The following CACNA1B variants were observed in gnomAD, a reference collection of about 807,000 sequenced individuals.
CACNA1B encodes the protein voltage-dependent N-type calcium channel subunit alpha-1B.
A neutral mutation model predicts 247.2 loss-of-function variants in CACNA1B; 70 were observed. The ratio of observed to expected loss-of-function variants is 0.28; its 90% confidence interval spans 0.23 to 0.35. The LOEUF is 0.35. Ranked by LOEUF, CACNA1B falls within the 10% of genes least tolerant of loss-of-function variation. The probability of loss-of-function intolerance (pLI) is 1.00; values close to 1 mark genes in which losing one functional copy is unlikely to be tolerated. For synonymous variants in CACNA1B, 1,231 were observed against 1,294.4 expected (o/e 0.95, Z 1.05); for missense variants, 2,367 against 3,197.4 (o/e 0.74, Z 6.26).
Position 138,054,014 on chromosome 9 carries a change from G to C in CACNA1B, c.3968+8G>C. On this transcript the variant is annotated splice_region_variant and intron_variant, in intron 26 of 46. Transcript: ENST00000371372. The surrounding 1 kb of genome is among the most constrained non-coding windows in gnomAD (Gnocchi z 4.6). ...GCTGGAGAGGGACTGCAGGTAAACT[G>C]AGGCAGGGTGCAAGGTGGGACACAC... 1.9e-6 allele frequency: 3 copies of C among 1,613,600 alleles called. No individual in the cohort carries two copies. Among genetic ancestry groups the C allele is most frequent in the Non-Finnish European group, 2.5e-6 (3 of 1,179,544 alleles).
intron 36 of CACNA1B, among the ~76,000 whole-genome samples, chr9:138,081,782 T>C (rs1159777768): frequency 6.6e-6 from 1 of 151,122 alleles, no homozygotes; most frequent in Non-Finnish European, 1.5e-5. Context: ...ATGGACAAAT[T>C]CCTAGAAAGA....
intron 15 of CACNA1B, among the ~76,000 whole-genome samples, chr9:138,005,775 G>A (rs1364988734): frequency 2.6e-5 from 4 of 152,132 alleles, no homozygotes; most frequent in South Asian, 2.1e-4. Context: ...AGGGTGTGGC[G>A]GCTCACGCCT....
At position 137,974,343 on chromosome 9, in the gene CACNA1B, C is replaced by T. The variant is rs531717804; in HGVS notation, c.1544-1564C>T. ...GCTCTCGGCTTCTCCAGGGACACTG[C>T]TTGGCCTTGTTATCATCCCATGCTT... On this transcript the variant is annotated intron_variant, in intron 11 of 46. Transcript: ENST00000371372. The surrounding 1 kb of genome is among the most constrained non-coding windows in gnomAD (Gnocchi z 4.5). Among the ~76,000 whole-genome samples the T allele has an allele frequency of 5.9e-5, 9 of 152,298 alleles. No individual in the cohort carries two copies. The highest frequency in any genetic ancestry group is 1.9e-4 in the African/African-American group (8 of 41,558).
chr9:138,090,073 A>T (rs1454592563), intron 36 of CACNA1B, among the ~76,000 whole-genome samples: 1 of 151,996 alleles, frequency 6.6e-6, no homozygotes, highest in Non-Finnish European at 1.5e-5. Context: ...ATAGAAATAT[A>T]AAAAAAATCC....
In CACNA1B at chr9:138,014,986, C is replaced by T. The variant is rs1379222369; in HGVS notation, c.2267+1751C>T. Among the ~76,000 whole-genome samples, 3 of 152,204 alleles carry T rather than the reference C, an allele frequency of 2.0e-5. No individual in the cohort carries two copies. Among genetic ancestry groups the T allele is most frequent in the Non-Finnish European group, 4.4e-5 (3 of 68,026 alleles). On this transcript the variant is annotated intron_variant, in intron 18 of 46. Transcript: ENST00000371372. This position sits in a 1 kb window ranked among gnomAD's most constrained non-coding sequence, Gnocchi z 6.2. ...GGCAGTAGACTGGCATCCTTGGGCA[C>T]AGTGTACATCGACACCACCTGTTGG...
At chr9:137,920,433 G>A (rs1256995542) in intron 6 of CACNA1B, among the ~76,000 whole-genome samples, 1 of 152,186 alleles carries the variant, frequency 6.6e-6, no homozygotes, top group Non-Finnish European at 1.5e-5. Flanking sequence ...CTGACCTCAA[G>A]TGATCTACCT....
intron 6 of CACNA1B, among the ~76,000 whole-genome samples, chr9:137,937,947 CAAAAAAAAAAAAAAAAAA>C (rs57680122): frequency 4.6e-5 from 1 of 21,924 alleles, no homozygotes; most frequent in Admixed American, 8.3e-4. Context: ...AACTCTGTCT[CAAAAAAAAAAAAAAAAAA>C]AAAAAAAAAA....
At chr9:137,985,646 A>G (rs1055203686) in intron 13 of CACNA1B, among the ~76,000 whole-genome samples, 3 of 152,210 alleles carry the variant, frequency 2.0e-5, no homozygotes. Context: ...GCCCAGGGAT[A>G]GAGTGAGCAC....
intron 18 of CACNA1B, 105 bp from the exon 19 acceptor site, chr9:138,022,906 A>C: frequency 7.6e-7 from 1 of 1,320,552 alleles, no homozygotes. Context: ...CACGCCTCCC[A>C]CCTCCCTGCG....
At chr9:138,017,230 C>T (rs1223840763) in intron 18 of CACNA1B, 1 of 518,472 alleles carries the variant, frequency 1.9e-6, no homozygotes, top group Non-Finnish European at 3.9e-6. Flanking sequence ...ATATTCCATC[C>T]ATGGCTTCAT....
chr9:137,902,388 C>T (rs1027923476), intron 3 of CACNA1B, among the ~76,000 whole-genome samples: 44 of 152,170 alleles, frequency 2.9e-4, no homozygotes, highest in African/African-American at 1.0e-3. Flanking sequence ...TGCCTCCTTG[C>T]TTTTCAGTAG....
intron 22 of CACNA1B, 117 bp downstream of exon 22, chr9:138,047,150 T>G (rs1475840148): frequency 7.1e-6 from 7 of 983,234 alleles, no homozygotes; most frequent in South Asian, 1.7e-5. Flanking sequence ...AGGGCACCCC[T>G]CCTTCCTCTG....
intron 15 of CACNA1B, among the ~76,000 whole-genome samples, chr9:137,996,329 G>T (rs1958500310): frequency 6.6e-6 from 1 of 152,208 alleles, no homozygotes; most frequent in Non-Finnish European, 1.5e-5. Flanking sequence ...ATACTACTCA[G>T]CCCTAAAAAG....
chr9:138,044,462 C>T (rs955095495), intron 21 of CACNA1B, among the ~76,000 whole-genome samples: 3 of 152,126 alleles, frequency 2.0e-5, no homozygotes, highest in Middle Eastern at 3.2e-3. Flanking sequence ...GAGAGGCGGA[C>T]GACAGACACG....
intron 6 of CACNA1B, among the ~76,000 whole-genome samples, chr9:137,923,417 ATGGCTCCAGGTGGTATTCCG>A (rs1300487702): frequency 3.0e-4 from 28 of 93,732 alleles, no homozygotes; most frequent in Admixed American, 2.5e-3. Context: ...GTAGTATTCC[ATGGCTCCAGGTGGTATTCCG>A]TGGCTCCAGG....
intron 6 of CACNA1B, among the ~76,000 whole-genome samples, chr9:137,927,632 T>C (rs1957566800): frequency 6.6e-6 from 1 of 152,240 alleles, no homozygotes; most frequent in South Asian, 2.1e-4. Context: ...TGGCACTGGC[T>C]AGAAACTTCA....
chr9:137,890,367 G>A (rs1957080990), intron 3 of CACNA1B: 1 of 149,466 alleles, frequency 6.7e-6, no homozygotes, highest in South Asian at 2.1e-4. Context: ...GATAAGGAAG[G>A]GAGGTTTCAG....
rs539275813 is a variant in CACNA1B at position 137,899,234 on chromosome 9, G to A, written c.531-13946G>A. ...TCTTGGGTAGCGGGATTACAGGCGC[G>A]CTCCACCATGCCAGGCTAATTTTTG... On this transcript the variant is annotated intron_variant, in intron 3 of 46. Coordinates refer to ENST00000371372, the MANE Select transcript of CACNA1B (RefSeq NM_000718.4). The surrounding 1 kb of genome is among the most constrained non-coding windows in gnomAD (Gnocchi z 5.0). Among the ~76,000 whole-genome samples the A allele has an allele frequency of 2.6e-5, 4 of 151,768 alleles. No homozygotes were observed. Among genetic ancestry groups the A allele is most frequent in the East Asian group, 1.9e-4 (1 of 5,148 alleles).
rs762681700 is a variant in CACNA1B, at chr9:138,047,023, C to T, written c.3533C>T (p.Pro1178Leu). 6.2e-7 allele frequency: 1 copy of T among 1,609,986 alleles called. No individual in the cohort carries two copies. Among genetic ancestry groups the T allele is most frequent in the Non-Finnish European group, 8.5e-7 (1 of 1,177,294 alleles). The change falls in exon 22 of 47, where the codon CCC becomes CTC. Residue 1178 changes from proline (P) to leucine (L), a missense_variant. Around this residue, in one of 12 missense-constraint regions of CACNA1B, gnomAD observed 436 missense variants for 679.5 expected, o/e 0.64. Coordinates refer to ENST00000371372, the MANE Select transcript of CACNA1B (RefSeq NM_000718.4). ...AAEDPVRTDS[P>L]RNNALKYLDY... ...GAGGACCCAGTGCGCACAGACTCGCCCAGGAACAACGTGAGTGGCCCGGAT... is the reference window on the plus strand; with the variant it reads ...GAGGACCCAGTGCGCACAGACTCGCTCAGGAACAACGTGAGTGGCCCGGAT...
Sources: allele counts gnomAD v4.1 joint callset (sites outside exome capture counted in the v4.1 genomes callset), GRCh38; gene constraint gnomAD v4.1.1; regional missense constraint gnomAD v4.1.1; non-coding constraint Gnocchi (gnomAD v3.1); transcripts MANE v1.5; gene names NCBI Gene and HGNC (gene_info 2026-07-23, HGNC 2026-07-21).